SH3RF3: variants seen among roughly 807,000 people sequenced by gnomAD.
The protein encoded by SH3RF3 is SH3 domain containing ring finger 3.
In SH3RF3, 29 loss-of-function variants were observed where a neutral mutation model predicts 66.3. The observed-to-expected ratio is 0.44, with a 90% confidence interval of 0.33 to 0.60. SH3RF3 has a LOEUF of 0.60. Among genes scored for constraint, SH3RF3 ranks in the 20% least tolerant of loss-of-function variants. SH3RF3 has a pLI of 0.04. For missense variants in SH3RF3, 1,194 were observed against 1,190.9 expected, an observed-to-expected ratio of 1.00 and a Z score of -0.04; for synonymous variants, 583 against 532.0, an observed-to-expected ratio of 1.10 and a Z score of -1.32.
rs191017722 is a variant in SH3RF3, at chr2:109,338,693, G to T, written c.574-8981G>T. On this transcript the variant is annotated intron_variant, in intron 1 of 9. Coordinates refer to ENST00000309415, the MANE Select transcript of SH3RF3 (RefSeq NM_001099289.3). The stretch of plus-strand genomic sequence containing the variant: ...CTGCCTCAGCCTCACAAGTAGCTGT[G>T]ACTACAGGCATGCGCCACCACGCCC... Among the ~76,000 whole-genome samples, 146 of 152,290 alleles carry T rather than the reference G, an allele frequency of 9.6e-4. No individual in the cohort carries two copies. The Middle Eastern group carries it at 0.01, about 11-fold the overall frequency.
At chr2:109,366,490 G>T (rs1355044948) in intron 2 of SH3RF3, among the ~76,000 whole-genome samples, 4 of 151,884 alleles carry the variant, frequency 2.6e-5, no homozygotes, top group African/African-American at 9.7e-5. Flanking sequence ...GCATATATAC[G>T]TTTATGCACG....
Position 109,149,035 on chromosome 2 carries a change from T to C in SH3RF3, c.573+18922T>C, listed in dbSNP as rs376933856. On this transcript the variant is annotated intron_variant, in intron 1 of 9. Transcript: ENST00000309415. Reference sequence around the variant, plus strand: ...CTGCAGATCCCCCTTTCTCTTCTCATTTATTCATTTGCTCTTTCCTTCCTT... The same window carrying C: ...CTGCAGATCCCCCTTTCTCTTCTCACTTATTCATTTGCTCTTTCCTTCCTT... Among the ~76,000 whole-genome samples the C allele has an allele frequency of 7.9e-5, 12 of 152,316 alleles. No individual in the cohort carries two copies. In the East Asian group the frequency reaches 2.3e-3, roughly 29 times the overall value.
At chr2:109,250,781 G>A (rs1036580597) in intron 1 of SH3RF3, among the ~76,000 whole-genome samples, 1 of 151,668 alleles carries the variant, frequency 6.6e-6, no homozygotes, top group Non-Finnish European at 1.5e-5. Flanking sequence ...GAAAAAAAAA[G>A]TGCTTCAATA....
intron 8 of SH3RF3, among the ~76,000 whole-genome samples, chr2:109,450,584 C>T (rs1200754051): frequency 6.6e-6 from 1 of 152,154 alleles, no homozygotes; most frequent in Non-Finnish European, 1.5e-5. Context: ...CAGCTTATTC[C>T]ATTAAACCCA....
At chr2:109,257,736 C>T (rs1030083689) in intron 1 of SH3RF3, among the ~76,000 whole-genome samples, 3 of 152,062 alleles carry the variant, frequency 2.0e-5, no homozygotes, top group Non-Finnish European at 2.9e-5. Context: ...GTCTCAGTGT[C>T]CAAAAAAACC....
At chr2:109,399,059 T>G (rs1240431022) in intron 4 of SH3RF3, 116 bp downstream of exon 4, 1 of 1,216,966 alleles carries the variant, frequency 8.2e-7, no homozygotes, top group African/African-American at 1.5e-5. Context: ...AGAACTGCCT[T>G]TTGGGGTTGA....
intron 1 of SH3RF3, among the ~76,000 whole-genome samples, chr2:109,194,867 C>T (rs2105037233): frequency 6.6e-6 from 1 of 151,968 alleles, no homozygotes; most frequent in East Asian, 1.9e-4. Context: ...CCTTAGCTTG[C>T]TACAAACTCA....
intron 8 of SH3RF3, among the ~76,000 whole-genome samples, chr2:109,470,224 G>T (rs1447652231): frequency 6.6e-6 from 1 of 152,198 alleles, no homozygotes; most frequent in South Asian, 2.1e-4. Flanking sequence ...GATTACTTTG[G>T]AATGACTTAT....
intron 5 of SH3RF3, among the ~76,000 whole-genome samples, chr2:109,431,290 A>G (rs1430231630): frequency 6.6e-6 from 1 of 152,162 alleles, no homozygotes; most frequent in Non-Finnish European, 1.5e-5. Flanking sequence ...ATCACTCTTC[A>G]TTAACATTCA....
chr2:109,404,445 CA>C (rs1216981004), intron 4 of SH3RF3, among the ~76,000 whole-genome samples: 2 of 152,202 alleles, frequency 1.3e-5, no homozygotes, highest in Non-Finnish European at 2.9e-5. Context: ...CTGGGAGTCT[CA>C]GCAGCCACTC....
chr2:109,339,616 G>C (rs1482275033), intron 1 of SH3RF3, among the ~76,000 whole-genome samples: 1 of 152,208 alleles, frequency 6.6e-6, no homozygotes, highest in Non-Finnish European at 1.5e-5. Context: ...GTTGCCGGTA[G>C]CGAGGCCTTT....
At chr2:109,282,035 GGT>G (rs940879428) in intron 1 of SH3RF3, among the ~76,000 whole-genome samples, 1 of 152,048 alleles carries the variant, frequency 6.6e-6, no homozygotes, top group African/African-American at 2.4e-5. Context: ...ATCTCTGCTT[GGT>G]GTCAGAGGGG....
At chr2:109,312,559 C>G (rs928550064) in intron 1 of SH3RF3, among the ~76,000 whole-genome samples, 1 of 151,830 alleles carries the variant, frequency 6.6e-6, no homozygotes, top group Admixed American at 6.6e-5. Context: ...CCCCAGGCCA[C>G]CACAACCTGC....
At chr2:109,494,145 A>G (rs541788547) in intron 9 of SH3RF3, among the ~76,000 whole-genome samples, 98 of 152,318 alleles carry the variant, frequency 6.4e-4, no homozygotes, top group African/African-American at 2.3e-3. Flanking sequence ...CTTCAAAGAC[A>G]TGACTTCCAG....
At chr2:109,382,756 C>T (rs1184815405) in intron 3 of SH3RF3, among the ~76,000 whole-genome samples, 4 of 152,222 alleles carry the variant, frequency 2.6e-5, no homozygotes, top group Admixed American at 1.3e-4. Flanking sequence ...ATCCAGGGCC[C>T]GCAGCTGATG....
At chr2:109,228,740 G>C (rs1213209225) in intron 1 of SH3RF3, among the ~76,000 whole-genome samples, 1 of 152,164 alleles carries the variant, frequency 6.6e-6, no homozygotes, top group African/African-American at 2.4e-5. Context: ...AGGTCTGGAA[G>C]GGTCCTGAGC....
intron 1 of SH3RF3, among the ~76,000 whole-genome samples, chr2:109,164,944 A>G (rs910637972): frequency 2.0e-5 from 3 of 152,220 alleles, no homozygotes; most frequent in Admixed American, 1.3e-4. Flanking sequence ...AAAAATGACA[A>G]TGGGGAGGTC....
At chr2:109,385,019 ACCCTCCCTGCATGCCTGG>A (rs1161584470) in intron 3 of SH3RF3, among the ~76,000 whole-genome samples, 2 of 151,990 alleles carry the variant, frequency 1.3e-5, no homozygotes, top group Non-Finnish European at 2.9e-5. Flanking sequence ...CCAGCCTCAC[ACCCTCCCTGCATGCCTGG>A]CCCTGATCGT....
At chr2:109,138,051 T>G in intron 1 of SH3RF3, among the ~76,000 whole-genome samples, 1 of 152,242 alleles carries the variant, frequency 6.6e-6, no homozygotes, top group Middle Eastern at 3.2e-3. Flanking sequence ...AGTCTTGCTC[T>G]GTTACCCTAG....
Sources: gnomAD v4.1 joint callset for allele counts (sites outside exome capture counted in the v4.1 genomes callset) on GRCh38, gnomAD v4.1.1 for gene constraint, MANE v1.5 for transcripts, NCBI Gene and HGNC (gene_info 2026-07-23, HGNC 2026-07-21) for gene names.